KIF27: variants seen among roughly 807,000 people sequenced by gnomAD.
The protein encoded by KIF27 is kinesin-like protein KIF27.
A neutral mutation model predicts 141.8 loss-of-function variants in KIF27; 84 were observed. That is an observed-to-expected ratio of 0.59 (90% CI 0.50 to 0.71). KIF27 has a LOEUF of 0.71. Among genes scored for constraint, KIF27 ranks in the 30% least tolerant of loss-of-function variants. The pLI is 0.00. For synonymous variants in KIF27, 471 were observed against 569.5 expected, an observed-to-expected ratio of 0.83 and a Z score of 2.46; for missense variants, 1,306 against 1,628.4, an observed-to-expected ratio of 0.80 and a Z score of 3.41.
At position 83,837,650 on chromosome 9, in the gene KIF27, A is replaced by G. The variant is rs1587839397; in HGVS notation, c.3722-165T>C. 18 of 542,228 alleles carry G rather than the reference A, an allele frequency of 3.3e-5. No individual in the cohort carries two copies. In the East Asian group the frequency reaches 5.6e-4, roughly 17 times the overall value. The allele number at this position is 542,228 out of a possible 1,614,324, so 33.6% of individuals were successfully genotyped here. A position where few individuals can be genotyped will look rare whatever the true frequency, so the allele number is the denominator to read the frequency against. ...TTAGATGAACAGATGTGTGAATATGAATATTTTTATTTCACTTACAGGCAT... is the reference window on the plus strand; with the variant it reads ...TTAGATGAACAGATGTGTGAATATGGATATTTTTATTTCACTTACAGGCAT... On this transcript the variant is annotated intron_variant, in intron 17 of 17. Transcript: ENST00000297814.
rs1237447458 is a variant in KIF27 at position 83,850,288 on chromosome 9, A to C, written c.3367T>G (p.Leu1123Val). 2.5e-6 allele frequency: 4 copies of C among 1,611,676 alleles called. No individual in the cohort carries two copies. Among genetic ancestry groups the C allele is most frequent in the Non-Finnish European group, 3.4e-6 (4 of 1,177,938 alleles). ...LFRYFNKVVN[L>V]REAERKQQLY... ...TGTTGTTTCCGTTCAGCTTCTCGCA[A>C]ATTCACCACCTAACAAATACATATT... The change falls in exon 16 of 18, where the codon TTG becomes GTG. Residue 1123 changes from leucine to valine, a missense_variant. Coordinates refer to ENST00000297814, the MANE Select transcript of KIF27 (RefSeq NM_017576.4).
chr9:83,885,127 CT>C (rs1275795997), intron 9 of KIF27, among the ~76,000 whole-genome samples: 4 of 152,186 alleles, frequency 2.6e-5, no homozygotes, highest in Non-Finnish European at 5.9e-5. Context: ...GAGCCTCGCT[CT>C]GTCACCCAGG....
At chr9:83,912,514 T>C (rs748036097) in intron 2 of KIF27, among the ~76,000 whole-genome samples, 71 of 152,202 alleles carry the variant, frequency 4.7e-4, no homozygotes, top group Non-Finnish European at 1.0e-3. Context: ...ATCTTGATTA[T>C]CCAGAATAAA....
At chr9:83,895,587 C>T (rs912272338) in intron 5 of KIF27, among the ~76,000 whole-genome samples, 1 of 151,594 alleles carries the variant, frequency 6.6e-6, no homozygotes, top group Admixed American at 6.6e-5. Context: ...TTTATTGAGA[C>T]AAAATTCACA....
chr9:83,883,569 T>A (rs1303436106), intron 10 of KIF27, among the ~76,000 whole-genome samples: 1 of 152,230 alleles, frequency 6.6e-6, no homozygotes, highest in Non-Finnish European at 1.5e-5. Context: ...GTTTCGTGGT[T>A]ACGTTTATTT....
chr9:83,886,564 A>G (rs1485237111), intron 9 of KIF27, among the ~76,000 whole-genome samples: 2 of 151,950 alleles, frequency 1.3e-5, no homozygotes, highest in Non-Finnish European at 2.9e-5. Flanking sequence ...TATTTTATCA[A>G]TTCTAATACA....
intron 1 of KIF27, among the ~76,000 whole-genome samples, chr9:83,917,305 A>C (rs1030943262): frequency 1.3e-5 from 2 of 152,218 alleles, no homozygotes; most frequent in African/African-American, 4.8e-5. Context: ...AAACTATAAA[A>C]TACTGTTAGA....
rs746194165 is a variant in KIF27 at position 83,859,201 on chromosome 9, G to T, written c.3105C>A (p.His1035Gln). The T allele has an allele frequency of 7.4e-6, 12 of 1,613,824 alleles. No homozygotes were observed. The Admixed American group carries it at 1.8e-4, about 25-fold the overall frequency. Reference protein sequence around the residue: ...KEKDQLQKRRHNVDEKLKNGR... With the variant: ...KEKDQLQKRRQNVDEKLKNGR... The stretch of plus-strand genomic sequence containing the variant: ...CATTTTTAAGTTTTTCATCCACATT[G>T]TGTCTGCGTTTCTGGAGCTGATCCT... Residue 1035 changes from histidine (H) to glutamine (Q), a missense_variant, in exon 14 of 18, where the codon CAC (histidine) becomes CAA (glutamine). His to Gln is a conservative substitution (Grantham distance 24). Around this residue, in one of 4 missense-constraint regions of KIF27, gnomAD observed 596 missense variants for 751.6 expected, o/e 0.79. Coordinates refer to ENST00000297814, the MANE Select transcript of KIF27 (RefSeq NM_017576.4).
intron 16 of KIF27, among the ~76,000 whole-genome samples, chr9:83,846,920 A>T (rs113067938): frequency 0.15 from 23,142 of 152,120 alleles, 1,927 homozygotes; most frequent in African/African-American, 0.21. Flanking sequence ...GGGGTGACTG[A>T]CCTGGACTAT....
chr9:83,866,356 G>A (rs1399070837), intron 13 of KIF27, among the ~76,000 whole-genome samples: 1 of 152,124 alleles, frequency 6.6e-6, no homozygotes, highest in East Asian at 1.9e-4. Flanking sequence ...ATATATGTAG[G>A]GTCTTGGCCT....
At chr9:83,871,691 CTTT>C (rs1372606607) in intron 11 of KIF27, among the ~76,000 whole-genome samples, 3 of 143,306 alleles carry the variant, frequency 2.1e-5, no homozygotes, top group African/African-American at 2.5e-5. Context: ...CCATCCACAT[CTTT>C]TTTTTTTTTT....
At chr9:83,908,381 A>G (rs1336037873) in intron 3 of KIF27, 71 bp downstream of exon 3, 12 of 812,180 alleles carry the variant, frequency 1.5e-5, no homozygotes, top group Non-Finnish European at 2.3e-5. Flanking sequence ...GAATATATCC[A>G]GAAACTTAAT....
intron 3 of KIF27, 61 bp downstream of exon 3, chr9:83,908,391 T>G: frequency 1.1e-6 from 1 of 906,196 alleles, no homozygotes; most frequent in Non-Finnish European, 1.7e-6. Flanking sequence ...AGAAACTTAA[T>G]TAAAGCATTA....
chr9:83,860,301 C>T (rs147993009), intron 13 of KIF27, among the ~76,000 whole-genome samples: 112 of 152,264 alleles, frequency 7.4e-4, no homozygotes, highest in African/African-American at 2.4e-3. Flanking sequence ...TACTCCAAGA[C>T]GGCCACCTTC....
intron 16 of KIF27, chr9:83,847,755 G>T (rs1255045681): frequency 6.6e-6 from 1 of 152,080 alleles, no homozygotes; most frequent in East Asian, 1.9e-4. Context: ...ATAAGAAGGT[G>T]AGACTGGCCT....
At chr9:83,882,277 A>G (rs1324225666) in intron 10 of KIF27, among the ~76,000 whole-genome samples, 1 of 152,090 alleles carries the variant, frequency 6.6e-6, no homozygotes, top group Non-Finnish European at 1.5e-5. Flanking sequence ...CAAGAGGATC[A>G]TTTGAGCCTG....
chr9:83,856,509 G>A (rs1310340218), intron 14 of KIF27, among the ~76,000 whole-genome samples: 6 of 151,972 alleles, frequency 3.9e-5, no homozygotes, highest in Non-Finnish European at 8.8e-5. Context: ...TTGGGAAGCC[G>A]AGGTGGGTGG....
rs1326612112 is a variant in KIF27 at position 83,886,266 on chromosome 9, C to T, written c.2239+775G>A. On this transcript the variant is annotated intron_variant, in intron 9 of 17. Coordinates refer to ENST00000297814, the MANE Select transcript of KIF27 (RefSeq NM_017576.4). ...TCAGAAAGGTTATCTTACTATGGAT[C>T]TCATTAAACAAGCATGTGTTTGTAG... 5.9e-5 allele frequency among the ~76,000 whole-genome samples: 9 copies of T among 152,246 alleles called. No individual in the cohort carries two copies. In the East Asian group the frequency reaches 1.7e-3, roughly 29 times the overall value.
In KIF27 at chr9:83,908,940, C is replaced by T. The variant is rs572529225; in HGVS notation, c.299-288G>A. Among the ~76,000 whole-genome samples the T allele has an allele frequency of 1.2e-3, 180 of 152,134 alleles. 1 individual carries two copies. The highest frequency in any genetic ancestry group is 2.2e-3 in the Non-Finnish European group (150 of 67,988). The stretch of plus-strand genomic sequence containing the variant: ...AGGCTATTATAACTCTTTTAAACCA[C>T]AACTATAAAATTAACAAGTAACAGT... On this transcript the variant is annotated intron_variant, in intron 2 of 17. Coordinates refer to ENST00000297814, the MANE Select transcript of KIF27 (RefSeq NM_017576.4).
Sources: allele counts gnomAD v4.1 joint callset (sites outside exome capture counted in the v4.1 genomes callset), GRCh38; gene constraint gnomAD v4.1.1; regional missense constraint gnomAD v4.1.1; transcripts MANE v1.5; gene names NCBI Gene and HGNC (gene_info 2026-07-23, HGNC 2026-07-21).